The following COL4A5 variants were observed in gnomAD, a reference collection of about 807,000 sequenced individuals.
The protein encoded by COL4A5 is collagen alpha-5(IV) chain.
A neutral mutation model predicts 130.2 loss-of-function variants in COL4A5; 26 were observed. The observed-to-expected ratio is 0.20, with a 90% CI of 0.15 to 0.28. COL4A5 has a LOEUF of 0.28. COL4A5 is among the 10% of genes least tolerant of loss of function. The pLI, the probability that COL4A5 is intolerant of heterozygous loss-of-function variation, is 1.00. For missense variants in COL4A5, 1,131 were observed against 1,344.3 expected, an observed-to-expected ratio of 0.84 and a Z score of 2.48; for synonymous variants, 496 against 439.6, an observed-to-expected ratio of 1.13 and a Z score of -1.60.
At chrX:108,517,764 A>T (rs1023770623) in intron 1 of COL4A5, among the ~76,000 whole-genome samples, 1 of 111,900 alleles carries the variant, frequency 8.9e-6, no homozygotes, top group Non-Finnish European at 1.9e-5. Flanking sequence ...TTGGGAATGC[A>T]TGCTACGGAA....
At chrX:108,590,489 C>T (rs2066414566) in intron 19 of COL4A5, among the ~76,000 whole-genome samples, 1 of 111,281 alleles carries the variant, frequency 9.0e-6, no homozygotes, top group Admixed American at 9.6e-5. Context: ...GTTGATTCTA[C>T]CAAAAAATAA....
chrX:108,582,695 C>CTT (rs34190918), intron 16 of COL4A5, 189 bp from the exon 17 acceptor site: 121 of 241,989 alleles, frequency 5.0e-4, no homozygotes, highest in Middle Eastern at 2.1e-3. Context: ...CAAGATTCAG[C>CTT]TTTTTTTTTT....
At chrX:108,607,001 C>A in intron 29 of COL4A5, 109 bp downstream of exon 29, 1 of 791,809 alleles carries the variant, frequency 1.3e-6, no homozygotes, top group Non-Finnish European at 1.9e-6. Context: ...CCCTATGCTG[C>A]CATTCTGTTA....
intron 2 of COL4A5, among the ~76,000 whole-genome samples, chrX:108,557,670 A>G (rs191984947): frequency 9.0e-6 from 1 of 111,416 alleles, no homozygotes; most frequent in African/African-American, 3.3e-5. Context: ...TTCAGAGTAG[A>G]AATAAAAGTG....
intron 1 of COL4A5, among the ~76,000 whole-genome samples, chrX:108,536,630 A>G (rs927666553): frequency 5.4e-5 from 6 of 111,463 alleles, no homozygotes; most frequent in Non-Finnish European, 1.1e-4. Flanking sequence ...CTTTCTGTCT[A>G]TCCTTCCAAG....
At chrX:108,489,850 T>C (rs1255068819) in intron 1 of COL4A5, among the ~76,000 whole-genome samples, 1 of 111,935 alleles carries the variant, frequency 8.9e-6, no homozygotes, top group East Asian at 2.8e-4. Flanking sequence ...CCATTTGAAA[T>C]GTGCAATTAA....
chrX:108,685,507 T>C (rs182291464), intron 47 of COL4A5, among the ~76,000 whole-genome samples: 334 of 112,480 alleles, frequency 3.0e-3, no homozygotes, highest in African/African-American at 0.01. Context: ...ATCTGGTGCT[T>C]TCTGTACATC....
intron 1 of COL4A5, among the ~76,000 whole-genome samples, chrX:108,475,443 T>C (rs1255623967): frequency 9.0e-6 from 1 of 111,506 alleles, no homozygotes; most frequent in Non-Finnish European, 1.9e-5. Context: ...CTTGTTAAAC[T>C]AGCTAGGACC....
At chrX:108,576,381 G>A (rs1311983787) in intron 10 of COL4A5, among the ~76,000 whole-genome samples, 1 of 111,551 alleles carries the variant, frequency 9.0e-6, no homozygotes, top group African/African-American at 3.3e-5. Flanking sequence ...TCATTTCCTA[G>A]GCGCCTGGGA....
chrX:108,611,380 A>G (rs966420194), intron 29 of COL4A5, among the ~76,000 whole-genome samples: 3 of 111,171 alleles, frequency 2.7e-5, no homozygotes, highest in Non-Finnish European at 5.7e-5. Flanking sequence ...AGTTGAATTT[A>G]GACTTAAGGG....
At chrX:108,546,928 C>T (rs866493932) in intron 2 of COL4A5, among the ~76,000 whole-genome samples, 25 of 112,370 alleles carry the variant, frequency 2.2e-4, no homozygotes, top group African/African-American at 6.5e-4. Flanking sequence ...GCATTCATCA[C>T]GTAGTTCTCG....
intron 19 of COL4A5, among the ~76,000 whole-genome samples, chrX:108,590,567 T>C (rs2066415131): frequency 9.0e-6 from 1 of 111,680 alleles, no homozygotes; most frequent in Non-Finnish European, 1.9e-5. Flanking sequence ...GAAAAATTTA[T>C]TTAGAAAAGT....
intron 9 of COL4A5, among the ~76,000 whole-genome samples, chrX:108,575,004 G>C (rs912950336): frequency 9.0e-6 from 1 of 110,775 alleles, no homozygotes; most frequent in African/African-American, 3.3e-5. Flanking sequence ...GCCAAGGCTG[G>C]TCTCAAACAT....
chrX:108,695,473 G>T (rs780405823), intron 52 of COL4A5, 34 bp downstream of exon 52: 9 of 1,177,964 alleles, frequency 7.6e-6, no homozygotes, highest in Non-Finnish European at 1.0e-5. Context: ...CAGGTCCAAA[G>T]CTTCCTTCAG....
At chrX:108,655,490 TC>T (rs772324646) in intron 37 of COL4A5, 33 bp downstream of exon 37, 1 of 1,200,937 alleles carries the variant, frequency 8.3e-7, no homozygotes, top group African/African-American at 1.8e-5. Context: ...CTTCCTTCTT[TC>T]CTTCCTTATC....
chrX:108,562,529 G>A (rs947694885), intron 3 of COL4A5, among the ~76,000 whole-genome samples: 3 of 111,941 alleles, frequency 2.7e-5, no homozygotes, highest in Non-Finnish European at 5.6e-5. Flanking sequence ...TTGTATGCAG[G>A]TTAAGTTTAG....
intron 1 of COL4A5, among the ~76,000 whole-genome samples, chrX:108,516,254 A>G (rs1421703813): frequency 8.9e-6 from 1 of 112,116 alleles, no homozygotes; most frequent in African/African-American, 3.2e-5. Flanking sequence ...CTGGAGTTAG[A>G]CTTACTGAGT....
chrX:108,535,065 T>G (rs954428189), intron 1 of COL4A5, among the ~76,000 whole-genome samples: 1 of 111,281 alleles, frequency 9.0e-6, no homozygotes, highest in African/African-American at 3.3e-5. Flanking sequence ...TCTTTTAACT[T>G]TATACTGTCT....
In COL4A5 at chrX:108,571,483, G is replaced by C; in HGVS notation, c.438+17G>C. The stretch of plus-strand genomic sequence containing the variant: ...GGTCCTCCAGTAAGTTATAAAATTT[G>C]GGATTATGATGAACACAGGAATTAA... On this transcript the variant is annotated intron_variant, in intron 7 of 52. Coordinates refer to ENST00000328300, the MANE Select transcript of COL4A5 (RefSeq NM_033380.3). The C allele has an allele frequency of 8.6e-7, 1 of 1,166,159 alleles. No individual in the cohort carries two copies. The highest frequency in any genetic ancestry group is 1.2e-6 in the Non-Finnish European group (1 of 854,954).
Sources: allele counts gnomAD v4.1 joint callset (sites outside exome capture counted in the v4.1 genomes callset), GRCh38; gene constraint gnomAD v4.1.1; transcripts MANE v1.5; gene names NCBI Gene and HGNC (gene_info 2026-07-23, HGNC 2026-07-21).